Variants in NEK10 observed in about 807,000 individuals in gnomAD.
NEK10 encodes the protein serine/threonine-protein kinase Nek10.
A neutral mutation model predicts 159.8 loss-of-function variants in NEK10; 122 were observed. The ratio of observed to expected loss-of-function variants is 0.76; its 90% CI spans 0.66 to 0.89. The LOEUF (loss-of-function observed/expected upper bound fraction) is 0.89, where lower values mean the gene tolerates loss of function less well. Ranked by LOEUF, NEK10 falls within the 40% of genes least tolerant of loss-of-function variation. The probability of loss-of-function intolerance (pLI) is 0.00; values close to 1 mark genes in which losing one functional copy is unlikely to be tolerated. For missense variants in NEK10, 1,342 were observed against 1,323.1 expected, an observed-to-expected ratio of 1.01 and a Z score of -0.22; for synonymous variants, 466 against 457.1, an observed-to-expected ratio of 1.02 and a Z score of -0.25.
At chr3:27,209,490 C>T (rs1189509135) in intron 23 of NEK10, among the ~76,000 whole-genome samples, 2 of 152,150 alleles carry the variant, frequency 1.3e-5, no homozygotes, top group Non-Finnish European at 2.9e-5. Flanking sequence ...CCTTAACCAC[C>T]AATGAAATCA....
intron 23 of NEK10, among the ~76,000 whole-genome samples, chr3:27,222,658 G>GTAA (rs1952239108): frequency 6.6e-6 from 1 of 151,900 alleles, no homozygotes; most frequent in African/African-American, 2.4e-5. Flanking sequence ...TTCACAAAGA[G>GTAA]GTATTACTAC....
At chr3:27,230,147 A>C (rs1373931130) in intron 23 of NEK10, among the ~76,000 whole-genome samples, 1 of 152,020 alleles carries the variant, frequency 6.6e-6, no homozygotes, top group Admixed American at 6.6e-5. Context: ...ATAAAGAGAA[A>C]CCGATCAGAC....
intron 23 of NEK10, among the ~76,000 whole-genome samples, chr3:27,224,060 C>A (rs6796032): frequency 0.24 from 35,792 of 152,080 alleles, 4,531 homozygotes; most frequent in Middle Eastern, 0.38. Flanking sequence ...GGTCATACTG[C>A]ATAAGGGTGG....
At chr3:27,155,834 T>C (rs546317398) in intron 30 of NEK10, among the ~76,000 whole-genome samples, 61 of 152,094 alleles carry the variant, frequency 4.0e-4, no homozygotes, top group African/African-American at 1.4e-3. Context: ...CATAGCCAAA[T>C]CAAGACTAAG....
chr3:27,280,236 A>C (rs9868937), intron 22 of NEK10, among the ~76,000 whole-genome samples: 25,894 of 151,932 alleles, frequency 0.17, 4,739 homozygotes, highest in African/African-American at 0.46. Flanking sequence ...GAAAGCAGGT[A>C]GAAGATGGTG....
chr3:27,269,976 C>T (rs1270919458), intron 22 of NEK10, among the ~76,000 whole-genome samples: 1 of 152,198 alleles, frequency 6.6e-6, no homozygotes, highest in Non-Finnish European at 1.5e-5. Context: ...TCATCACCTC[C>T]ACTGAAGTTG....
chr3:27,322,856 T>C (rs558377301), intron 5 of NEK10, among the ~76,000 whole-genome samples: 17 of 152,296 alleles, frequency 1.1e-4, no homozygotes, highest in East Asian at 5.8e-4. Context: ...TGACCTAACA[T>C]TGAAATCACA....
At chr3:27,303,110 C>A (rs1300355911) in intron 12 of NEK10, among the ~76,000 whole-genome samples, 2 of 152,182 alleles carry the variant, frequency 1.3e-5, no homozygotes, top group East Asian at 1.9e-4. Context: ...GTAATAAATT[C>A]TCCCAAAGCA....
intron 25 of NEK10, among the ~76,000 whole-genome samples, chr3:27,193,631 A>G (rs1168037504): frequency 1.5e-5 from 1 of 68,938 alleles, no homozygotes; most frequent in East Asian, 4.6e-4. Flanking sequence ...TTTTTTGCCC[A>G]TGGTATCTTA....
At chr3:27,252,816 G>A in intron 23 of NEK10, 1 of 462,878 alleles carries the variant, frequency 2.2e-6, no homozygotes, top group South Asian at 1.6e-5. Flanking sequence ...AATTGTTAAA[G>A]TTTGGTTTGT....
rs190947629 is a variant in NEK10 at position 27,192,743 on chromosome 3, C to T, written c.2292-501G>A. On this transcript the variant is annotated intron_variant, in intron 25 of 35. Coordinates refer to ENST00000691995, the MANE Select transcript of NEK10 (RefSeq NM_001394966.1). ...TTTTTTAAAAATAAAAAAAAAGCAA[C>T]GTAAACTAGTTTTATAAATTATATA... Among the ~76,000 whole-genome samples, 13 of 152,052 alleles carry T rather than the reference C, an allele frequency of 8.5e-5. No homozygotes were observed. In the South Asian group the frequency reaches 1.9e-3, roughly 22 times the overall value.
At chr3:27,111,348 C>A in intron 35 of NEK10, 28 bp from the exon 36 acceptor site, 1 of 1,534,446 alleles carries the variant, frequency 6.5e-7, no homozygotes, top group South Asian at 1.2e-5. Context: ...GGAAAGAATT[C>A]TCTATAGTTA....
chr3:27,268,263 G>A (rs924715387), intron 22 of NEK10, among the ~76,000 whole-genome samples: 7 of 152,208 alleles, frequency 4.6e-5, no homozygotes, highest in Admixed American at 3.9e-4. Context: ...TCCAGATCTG[G>A]CTAAGACAGT....
At chr3:27,159,510 A>T (rs1290523901) in intron 30 of NEK10, among the ~76,000 whole-genome samples, 1 of 152,172 alleles carries the variant, frequency 6.6e-6, no homozygotes, top group Non-Finnish European at 1.5e-5. Context: ...TAAAGCTGGG[A>T]AAACAGAGCT....
At chr3:27,245,630 AG>A (rs1298978803) in intron 23 of NEK10, among the ~76,000 whole-genome samples, 1 of 152,216 alleles carries the variant, frequency 6.6e-6, no homozygotes, top group Non-Finnish European at 1.5e-5. Context: ...GAACCAACAG[AG>A]GAATGATCAA....
At chr3:27,238,705 A>G (rs1400974305) in intron 23 of NEK10, among the ~76,000 whole-genome samples, 1 of 150,490 alleles carries the variant, frequency 6.6e-6, no homozygotes, top group Admixed American at 6.6e-5. Context: ...ACATTACTGT[A>G]TTACCAGCTT....
rs2043825705 is a variant in NEK10 at position 27,301,567 on chromosome 3, G to A, written c.1168+129C>T. Reference sequence around the variant, plus strand: ...GGACCAAGAAGTTTCTGGCATCCATGTGGATTTCACTTTACATTTTTGTAA... The same window carrying A: ...GGACCAAGAAGTTTCTGGCATCCATATGGATTTCACTTTACATTTTTGTAA... On this transcript the variant is annotated intron_variant, in intron 13 of 35. Transcript: ENST00000691995. 5.9e-6 allele frequency: 4 copies of A among 675,620 alleles called. No homozygotes were observed. The South Asian group carries it at 6.0e-5, about 10-fold the overall frequency. The allele number at this position is 675,620 out of a possible 1,614,324, so 41.9% of individuals were successfully genotyped here. A position where few individuals can be genotyped will look rare whatever the true frequency, so the allele number is the denominator to read the frequency against.
At chr3:27,209,686 A>C (rs1950833707) in intron 23 of NEK10, among the ~76,000 whole-genome samples, 1 of 152,216 alleles carries the variant, frequency 6.6e-6, no homozygotes, top group Non-Finnish European at 1.5e-5. Context: ...GTCCCACAGC[A>C]AAGGTGGGCC....
intron 25 of NEK10, 99 bp downstream of exon 25, chr3:27,201,411 C>G: frequency 9.7e-7 from 1 of 1,026,698 alleles, no homozygotes; most frequent in Non-Finnish European, 1.5e-6. Flanking sequence ...TGTAGGGACT[C>G]TTTCTCTTCA....
Sources: gnomAD v4.1 joint callset for allele counts (sites outside exome capture counted in the v4.1 genomes callset) on GRCh38, gnomAD v4.1.1 for gene constraint, MANE v1.5 for transcripts, NCBI Gene and HGNC (gene_info 2026-07-23, HGNC 2026-07-21) for gene names.